The following CCDC15 variants were observed in gnomAD, a reference collection of about 807,000 sequenced individuals.
CCDC15 encodes the protein coiled-coil domain-containing protein 15.
CCDC15 carries 105 observed loss-of-function variants against 114.5 expected under a neutral mutation model. The ratio of observed to expected loss-of-function variants is 0.92; its 90% confidence interval spans 0.78 to 1.08. The LOEUF (loss-of-function observed/expected upper bound fraction) is 1.08, where lower values mean the gene tolerates loss of function less well. Ranked by LOEUF, CCDC15 falls within the 50% of genes least tolerant of loss-of-function variation. The pLI, the probability that CCDC15 is intolerant of heterozygous loss-of-function variation, is 0.00. For synonymous variants in CCDC15, 334 were observed against 377.8 expected, an observed-to-expected ratio of 0.88 and a Z score of 1.34; for missense variants, 1,105 against 1,093.6, an observed-to-expected ratio of 1.01 and a Z score of -0.15.
Position 124,987,382 on chromosome 11 carries a change from A to G in CCDC15, c.1156A>G (p.Thr386Ala). ...TGAGCCAGAAGGCCAGCCTATTAAGACAGAAACTCAGGGTATTATGCTGAA... is the reference window on the plus strand; with the variant it reads ...TGAGCCAGAAGGCCAGCCTATTAAGGCAGAAACTCAGGGTATTATGCTGAA... ...AIEPEGQPIK[T>A]ETQGIMLKAQ... is the part of the protein sequence containing the mutation. Residue 386 changes from threonine to alanine, a missense_variant, in exon 8 of 16, where the codon ACA (threonine) becomes GCA (alanine). By Grantham distance (58) the Thr-to-Ala change is moderately conservative. Coordinates refer to ENST00000344762, the MANE Select transcript of CCDC15 (RefSeq NM_025004.3). 6.2e-7 allele frequency: 1 copy of G among 1,613,990 alleles called. No individual in the cohort carries two copies. The highest frequency in any genetic ancestry group is 1.1e-5 in the South Asian group (1 of 91,084).
intron 13 of CCDC15, among the ~76,000 whole-genome samples, chr11:125,025,162 G>A (rs377360690): frequency 7.6e-6 from 1 of 130,952 alleles, no homozygotes; most frequent in African/African-American, 2.9e-5. Context: ...ATATATATGA[G>A]TATATATATG....
intron 13 of CCDC15, among the ~76,000 whole-genome samples, chr11:125,035,162 G>A (rs997293498): frequency 2.0e-5 from 3 of 152,180 alleles, no homozygotes; most frequent in Admixed American, 1.3e-4. Flanking sequence ...TTCTGGCCAC[G>A]CTGGCAGTTG....
At chr11:124,993,491 C>G (rs529116451) in intron 11 of CCDC15, among the ~76,000 whole-genome samples, 2 of 152,152 alleles carry the variant, frequency 1.3e-5, no homozygotes, top group African/African-American at 4.8e-5. Context: ...GAAGCTTTTA[C>G]CATTGCCACA....
chr11:124,974,540 GA>G (rs1288924658), intron 4 of CCDC15, among the ~76,000 whole-genome samples: 1 of 152,174 alleles, frequency 6.6e-6, no homozygotes, highest in African/African-American at 2.4e-5. Context: ...GTTAATTTAG[GA>G]AGGCTTCTTG....
chr11:124,998,984 G>T (rs1244768604), intron 11 of CCDC15, among the ~76,000 whole-genome samples: 1 of 151,902 alleles, frequency 6.6e-6, no homozygotes, highest in Non-Finnish European at 1.5e-5. Flanking sequence ...TGATCTGCCC[G>T]CCTCAGCCTC....
intron 11 of CCDC15, among the ~76,000 whole-genome samples, chr11:124,999,685 T>C (rs937673548): frequency 7.2e-5 from 11 of 152,054 alleles, no homozygotes; most frequent in African/African-American, 2.4e-4. Flanking sequence ...CAATTGGGTT[T>C]GCCTTTACCT....
chr11:125,015,620 T>C (rs1468988684), intron 13 of CCDC15, among the ~76,000 whole-genome samples: 2 of 152,168 alleles, frequency 1.3e-5, no homozygotes, highest in Non-Finnish European at 2.9e-5. Flanking sequence ...AGGTTCAGAT[T>C]CCAGCTCATA....
At chr11:124,986,979 T>A (rs1307328747) in intron 7 of CCDC15, 91 bp downstream of exon 7, 125 of 1,405,670 alleles carry the variant, frequency 8.9e-5, no homozygotes, top group Non-Finnish European at 1.1e-4. Context: ...ATTTAGCTTT[T>A]GTTAAGTTGG....
chr11:124,962,898 T>A (rs756970769), intron 4 of CCDC15, among the ~76,000 whole-genome samples: 7 of 152,136 alleles, frequency 4.6e-5, no homozygotes, highest in Admixed American at 2.0e-4. Context: ...GAACATGCGG[T>A]GTTTGGTTTT....
intron 13 of CCDC15, among the ~76,000 whole-genome samples, chr11:125,017,071 A>G (rs548590061): frequency 2.0e-5 from 3 of 152,322 alleles, no homozygotes; most frequent in East Asian, 3.9e-4. Flanking sequence ...TGGAAGTCAC[A>G]TGATTTAACT....
rs755496007 is a variant in CCDC15 at position 124,987,463 on chromosome 11, C to T, written c.1237C>T (p.Leu413=). The T allele has an allele frequency of 1.2e-6, 2 of 1,613,858 alleles. No homozygotes were observed. The highest frequency in any genetic ancestry group is 2.7e-5 in the African/African-American group (2 of 74,926). ...GSIVLKTQDF[L]PTNQALLTKN... ...TATTGTGTTGAAAACCCAGGATTTT[C>T]TACCCACAAATCAGGCTCTTCTAAC... The change falls in exon 8 of 16, where the codon CTA becomes TTA. Residue 413 remains leucine, a synonymous_variant. Coordinates refer to ENST00000344762, the MANE Select transcript of CCDC15 (RefSeq NM_025004.3).
At position 124,954,858 on chromosome 11, in the gene CCDC15, TG is replaced by T; in HGVS notation, c.130del (p.Ala44HisfsTer21). 1 of 1,614,034 alleles carries T rather than the reference TG, an allele frequency of 6.2e-7. No homozygotes were observed. Among genetic ancestry groups the T allele is most frequent in the Non-Finnish European group, 8.5e-7 (1 of 1,179,890 alleles). On this transcript the variant is annotated frameshift_variant, in exon 2 of 16. Transcript: ENST00000344762. LOFTEE classifies it high-confidence loss of function. ...AERNEAIVPV[G>X]AWVEPASPGS... ...AGAGGAACGAGGCTATAGTACCAGT[TG>T]GGGCATGGGTGGAACCTGCCTCACC...
In CCDC15 at chr11:125,041,289, T is replaced by G. The variant is rs1280606689; in HGVS notation, c.*578T>G. 3.9e-5 allele frequency: 6 copies of G among 152,216 alleles called. No individual in the cohort carries two copies. The highest frequency in any genetic ancestry group is 3.3e-4 in the Admixed American group (5 of 15,278). 9.4% of individuals were successfully genotyped at this position (152,216 alleles called of 1,614,324 possible). On this transcript the variant is annotated 3_prime_UTR_variant, in exon 16 of 16. Transcript: ENST00000344762. ...GACACTGGACATAGGAATTTTTAAT[T>G]GTGTAATTTTCTGTTGCAAAAAGGG...
At position 125,015,844 on chromosome 11, in the gene CCDC15, T is replaced by G. The variant is rs529360461; in HGVS notation, c.2411+10632T>G. Among the ~76,000 whole-genome samples, 23 of 152,266 alleles carry G rather than the reference T, an allele frequency of 1.5e-4. No individual in the cohort carries two copies. The East Asian group carries it at 4.4e-3, about 29-fold the overall frequency. On this transcript the variant is annotated intron_variant, in intron 13 of 15. Transcript: ENST00000344762. ...AGCCTCAAGTGAAATATTGGCACAA[T>G]GATCTTTGAGGGGCACTGCTGCAGG... is the stretch of plus-strand genomic sequence containing the variant.
At chr11:125,018,284 G>T (rs567535373) in intron 13 of CCDC15, among the ~76,000 whole-genome samples, 1 of 151,922 alleles carries the variant, frequency 6.6e-6, no homozygotes, top group Non-Finnish European at 1.5e-5. Flanking sequence ...TGTTACAGTT[G>T]CCTACAGGAT....
At chr11:124,958,071 C>T (rs780785896) in intron 2 of CCDC15, among the ~76,000 whole-genome samples, 1 of 152,120 alleles carries the variant, frequency 6.6e-6, no homozygotes, top group African/African-American at 2.4e-5. Flanking sequence ...GATAAGAATA[C>T]CTACTGCCAA....
chr11:124,976,688 A>T (rs1947979248), intron 5 of CCDC15, among the ~76,000 whole-genome samples: 1 of 152,100 alleles, frequency 6.6e-6, no homozygotes, highest in Non-Finnish European at 1.5e-5. Context: ...ACATGCTCAG[A>T]CCTTTCAACT....
chr11:125,040,156 C>T (rs545487729), intron 15 of CCDC15, among the ~76,000 whole-genome samples: 37 of 152,138 alleles, frequency 2.4e-4, no homozygotes, highest in African/African-American at 8.9e-4. Flanking sequence ...AGCGCCTCAG[C>T]CTACCGAATA....
intron 2 of CCDC15, 108 bp downstream of exon 2, chr11:124,955,017 A>G (rs1310672557): frequency 2.0e-6 from 2 of 975,934 alleles, no homozygotes; most frequent in Non-Finnish European, 3.0e-6. Context: ...TGCTGTTTCT[A>G]TTCTGCCATA....
Sources: gnomAD v4.1 joint callset for allele counts (sites outside exome capture counted in the v4.1 genomes callset) on GRCh38, gnomAD v4.1.1 for gene constraint, MANE v1.5 for transcripts, NCBI Gene and HGNC (gene_info 2026-07-23, HGNC 2026-07-21) for gene names.